Variants in SEC14L6 observed in about 807,000 individuals in gnomAD.
The protein encoded by SEC14L6 is SEC14-like protein 6.
A neutral mutation model predicts 54.1 loss-of-function variants in SEC14L6; 40 were observed. The observed-to-expected ratio is 0.74, with a 90% CI of 0.57 to 0.96. The LOEUF is 0.96. Among genes scored for constraint, SEC14L6 ranks in the 40% least tolerant of loss-of-function variants. The pLI, the probability that SEC14L6 is intolerant of heterozygous loss-of-function variation, is 0.00. For synonymous variants in SEC14L6, 171 were observed against 198.4 expected, an observed-to-expected ratio of 0.86 and a Z score of 1.16; for missense variants, 471 against 498.3, an observed-to-expected ratio of 0.95 and a Z score of 0.52.
intron 1 of SEC14L6, chr22:30,544,090 C>G (rs1171814525): frequency 4.1e-6 from 6 of 1,467,214 alleles, no homozygotes; most frequent in Non-Finnish European, 5.7e-6. Flanking sequence ...GTGAATGGGA[C>G]CGTGGTTTGC....
intron 8 of SEC14L6, among the ~76,000 whole-genome samples, chr22:30,528,372 C>T (rs1028823734): frequency 3.3e-5 from 5 of 149,492 alleles, no homozygotes; most frequent in African/African-American, 9.9e-5. Flanking sequence ...CCACCCACCT[C>T]GGCCTCCCAA....
chr22:30,533,314 G>T, intron 3 of SEC14L6: 1 of 216,212 alleles, frequency 4.6e-6, no homozygotes, highest in Non-Finnish European at 7.9e-6. Context: ...GAATATACCA[G>T]CTCAGGCCAG....
Position 30,524,897 on chromosome 22 carries a change from C to A in SEC14L6, c.*100G>T. ...GGCTGTGACCTGCTGTTGTAGAATC[C>A]CTGTTCCTGAGAGGTTGAACAGGGT... On this transcript the variant is annotated 3_prime_UTR_variant, in exon 12 of 12. Coordinates refer to ENST00000402034, the MANE Select transcript of SEC14L6 (RefSeq NM_001193336.4). 1 of 696,278 alleles carries A rather than the reference C, an allele frequency of 1.4e-6. No individual in the cohort carries two copies. Among genetic ancestry groups the A allele is most frequent in the Non-Finnish European group, 2.6e-6 (1 of 382,032 alleles). 43.1% of individuals were successfully genotyped at this position (696,278 alleles called of 1,614,324 possible).
intron 1 of SEC14L6, among the ~76,000 whole-genome samples, chr22:30,545,131 G>T (rs761968130): frequency 6.6e-6 from 1 of 152,038 alleles, no homozygotes; most frequent in Non-Finnish European, 1.5e-5. Flanking sequence ...CAAGCTTGCC[G>T]TGTGCGACCA....
chr22:30,534,693 A>G (rs1012044421), intron 2 of SEC14L6, among the ~76,000 whole-genome samples: 1 of 151,982 alleles, frequency 6.6e-6, no homozygotes, highest in African/African-American at 2.4e-5. Context: ...TAAAGGTGTG[A>G]GCCACTGTGC....
chr22:30,538,944 C>T (rs1465388570), intron 1 of SEC14L6, 42 bp from the exon 2 acceptor site: 1 of 1,393,778 alleles, frequency 7.2e-7, no homozygotes, highest in Non-Finnish European at 1.0e-6. Flanking sequence ...AGGCCAACCA[C>T]CCTCGGTCCT....
chr22:30,539,447 C>T (rs1202237545), intron 1 of SEC14L6, among the ~76,000 whole-genome samples: 2 of 152,172 alleles, frequency 1.3e-5, no homozygotes, highest in Non-Finnish European at 2.9e-5. Flanking sequence ...AGAAGCTTTA[C>T]AAGCCTGACT....
intron 6 of SEC14L6, 117 bp downstream of exon 6, chr22:30,531,786 G>A (rs1255256697): frequency 2.7e-5 from 18 of 677,566 alleles, no homozygotes; most frequent in South Asian, 1.5e-4. Context: ...ACCTGTGGGC[G>A]GGTACTCACC....
intron 1 of SEC14L6, among the ~76,000 whole-genome samples, chr22:30,544,919 A>AAAC (rs1386679248): frequency 1.3e-5 from 2 of 152,088 alleles, no homozygotes; most frequent in East Asian, 3.9e-4. Context: ...TTTTTTCTTA[A>AAAC]AACAACAACA....
chr22:30,532,325 T>A (rs778424934), intron 5 of SEC14L6, 200 bp downstream of exon 5: 24 of 971,496 alleles, frequency 2.5e-5, no homozygotes, highest in Non-Finnish European at 2.8e-5. Context: ...TGGGGCCAAT[T>A]GGGGGAGAAA....
At chr22:30,543,140 T>C in intron 1 of SEC14L6, 2 of 1,603,538 alleles carry the variant, frequency 1.2e-6, no homozygotes, top group Non-Finnish European at 1.7e-6. Context: ...GGGAATCAGC[T>C]CTCAGACTTC....
rs1447331804 is a variant in SEC14L6, at chr22:30,532,634, C to A, written c.314G>T (p.Ser105Ile). Residue 105 changes from serine (S) to isoleucine (I), a missense_variant, in exon 5 of 12, where the codon AGC becomes ATC. Ser to Ile is a moderately radical substitution (Grantham distance 142). Transcript: ENST00000402034. ...GAGCAAGAGGCCTTTGGGGTCCAGG[C>A]TTCCCACAATGTGGTACCAGACAGG... ...GSPVWYHIVG[S>I]LDPKGLLLSA... 6.4e-7 allele frequency: 1 copy of A among 1,550,750 alleles called. No homozygotes were observed. Among genetic ancestry groups the A allele is most frequent in the Non-Finnish European group, 8.7e-7 (1 of 1,147,044 alleles).
chr22:30,542,559 C>T lies in SEC14L6; in HGVS notation c.55-3657G>A, dbSNP rs1032115972. The T allele has an allele frequency of 2.2e-5, 30 of 1,366,442 alleles. No individual in the cohort carries two copies. The African/African-American group carries it at 4.1e-4, about 19-fold the overall frequency. 84.6% of individuals were successfully genotyped at this position (1,366,442 alleles called of 1,614,324 possible). On this transcript the variant is annotated intron_variant, in intron 1 of 11. Coordinates refer to ENST00000402034, the MANE Select transcript of SEC14L6 (RefSeq NM_001193336.4). ...AGTGCCTTCCAGCCCTCGCGGGCGG[C>T]GTAGCCGCGGCCCATGGAGCCCGCG...
rs1458303863 is a variant in SEC14L6, at chr22:30,538,815, C to CTCTA, written c.130+8_130+11dup. 4 of 1,547,452 alleles carry CTCTA rather than the reference C, an allele frequency of 2.6e-6. No individual in the cohort carries two copies. The highest frequency in any genetic ancestry group is 3.5e-6 in the Non-Finnish European group (4 of 1,141,984). Reference sequence around the variant, plus strand: ...CCATTGACCCTACCCCAGCCCCACGCTCTATCCTTACCTTGGAGCCAGCGC... The same window carrying CTCTA: ...CCATTGACCCTACCCCAGCCCCACGCTCTATCTATCCTTACCTTGGAGCCAGCGC... On this transcript the variant is annotated intron_variant, in intron 2 of 11. Transcript: ENST00000402034.
chr22:30,525,174 A>T (rs1936723189), intron 11 of SEC14L6, 65 bp from the exon 12 acceptor site: 1 of 1,268,878 alleles, frequency 7.9e-7, no homozygotes, highest in Admixed American at 2.0e-5. Flanking sequence ...CATGGTGGTA[A>T]ATCTCTGCGT....
chr22:30,545,847 T>C (rs1457031423), intron 1 of SEC14L6, among the ~76,000 whole-genome samples: 1 of 151,932 alleles, frequency 6.6e-6, no homozygotes, highest in Admixed American at 6.6e-5. Flanking sequence ...TGTTTTGTTT[T>C]TGAGACATAG....
intron 1 of SEC14L6, among the ~76,000 whole-genome samples, chr22:30,546,276 C>T (rs142440576): frequency 2.7e-5 from 4 of 149,524 alleles, no homozygotes; most frequent in African/African-American, 4.9e-5. Flanking sequence ...CCAGCTACTC[C>T]GGAGGCTAGG....
rs772272965 is a variant in SEC14L6, at chr22:30,529,266, A to C, written c.580+23T>G. ...CATCCCCTGTCCCCCCAACTCATGC[A>C]TATCCTGGGCTGCTTTACTCACCTC... On this transcript the variant is annotated intron_variant, in intron 7 of 11. Coordinates refer to ENST00000402034, the MANE Select transcript of SEC14L6 (RefSeq NM_001193336.4). 3 of 1,549,512 alleles carry C rather than the reference A, an allele frequency of 1.9e-6. No homozygotes were observed. In the East Asian group the frequency reaches 7.3e-5, roughly 38 times the overall value.
At chr22:30,536,425 A>G (rs558350292) in intron 2 of SEC14L6, among the ~76,000 whole-genome samples, 1 of 152,250 alleles carries the variant, frequency 6.6e-6, no homozygotes, top group South Asian at 2.1e-4. Context: ...TAGGAGTTGC[A>G]GCCACATTTT....
Sources: allele counts gnomAD v4.1 joint callset (sites outside exome capture counted in the v4.1 genomes callset), GRCh38; gene constraint gnomAD v4.1.1; transcripts MANE v1.5; gene names NCBI Gene and HGNC (gene_info 2026-07-23, HGNC 2026-07-21).